The following INTS6L variants were observed in gnomAD, a reference collection of about 807,000 sequenced individuals.
The protein encoded by INTS6L is integrator complex subunit 6 like, also known as integrator complex subunit 6-like.
A neutral mutation model predicts 64.7 loss-of-function variants in INTS6L; 18 were observed. The observed-to-expected ratio is 0.28, with a 90% CI of 0.19 to 0.41. The LOEUF (loss-of-function observed/expected upper bound fraction) is 0.41, where lower values mean the gene tolerates loss of function less well. Ranked by LOEUF, INTS6L falls within the 10% of genes least tolerant of loss-of-function variation. INTS6L has a pLI of 1.00. For synonymous variants in INTS6L, 227 were observed against 235.9 expected (o/e 0.96, Z 0.34); for missense variants, 533 against 661.0 (o/e 0.81, Z 2.12).
At chrX:135,522,350 G>A (rs782623613) in intron 2 of INTS6L, among the ~76,000 whole-genome samples, 2 of 111,793 alleles carry the variant, frequency 1.8e-5, no homozygotes, top group East Asian at 5.6e-4. Context: ...AGTCAAGTTC[G>A]ATGATTTGAT....
chrX:135,570,619 T>C, intron 11 of INTS6L, 73 bp downstream of exon 11: 3 of 1,080,276 alleles, frequency 2.8e-6, no homozygotes, highest in Non-Finnish European at 1.2e-6. Context: ...TTTAGTGTAA[T>C]TGTAATTTTT....
Position 135,579,798 on chromosome X carries a change from C to G in INTS6L, c.2130C>G (p.Ile710Met), listed in dbSNP as rs1380385821. 2 of 1,182,545 alleles carry G rather than the reference C, an allele frequency of 1.7e-6. No homozygotes were observed. Among genetic ancestry groups the G allele is most frequent in the African/African-American group, 3.5e-5 (2 of 56,385 alleles). ...TCATTTGGTTTCCAGATGCTACTAT[C>G]ATTCACGATGGCCATGAGGAGAAGA... Reference protein sequence around the residue: ...KPTLVHTDATIIHDGHEEKME... With the variant: ...KPTLVHTDATMIHDGHEEKME... Residue 710 changes from isoleucine to methionine, a missense_variant, in exon 16 of 18, where the codon ATC becomes ATG. Physicochemically the swap from Ile to Met is conservative, Grantham distance 10 (BLOSUM62 1). Coordinates refer to ENST00000639893, the MANE Select transcript of INTS6L (RefSeq NM_001351601.3).
At chrX:135,540,106 C>T (rs1167873649) in intron 2 of INTS6L, among the ~76,000 whole-genome samples, 1 of 112,203 alleles carries the variant, frequency 8.9e-6, no homozygotes, top group Non-Finnish European at 1.9e-5. Flanking sequence ...AATGCAATAT[C>T]TGTGTGGTGC....
At chrX:135,560,838 C>A (rs781946772) in intron 9 of INTS6L, among the ~76,000 whole-genome samples, 82 of 109,527 alleles carry the variant, frequency 7.5e-4, no homozygotes, top group African/African-American at 2.6e-3. Flanking sequence ...TGCAAAACTC[C>A]ATCTCAAAAA....
chrX:135,577,492 T>C (rs2148677456), intron 15 of INTS6L, 65 bp downstream of exon 15: 1 of 1,063,940 alleles, frequency 9.4e-7, no homozygotes, highest in South Asian at 2.1e-5. Context: ...ACAATTTTAT[T>C]TCCCTTTTTG....
intron 2 of INTS6L, among the ~76,000 whole-genome samples, chrX:135,523,326 CGGGA>C (rs1387961123): frequency 1.1e-5 from 1 of 94,276 alleles, no homozygotes; most frequent in African/African-American, 3.9e-5. Context: ...TGCTTGAACC[CGGGA>C]GTCGGAGGTT....
intron 2 of INTS6L, among the ~76,000 whole-genome samples, chrX:135,529,851 GTTTA>G (rs782202534): frequency 1.8e-5 from 2 of 112,077 alleles, no homozygotes; most frequent in East Asian, 5.6e-4. Context: ...AATGTAAAAT[GTTTA>G]TTTAGTTTCT....
intron 2 of INTS6L, among the ~76,000 whole-genome samples, chrX:135,542,995 C>T (rs1282956648): frequency 2.7e-5 from 3 of 111,354 alleles, no homozygotes; most frequent in African/African-American, 9.8e-5. Flanking sequence ...ATCCTTAGGA[C>T]TCCTCCTCTG....
intron 9 of INTS6L, among the ~76,000 whole-genome samples, chrX:135,559,048 G>T (rs1169909027): frequency 2.7e-5 from 3 of 111,322 alleles, no homozygotes; most frequent in African/African-American, 9.8e-5. Flanking sequence ...CTCCTAAAGT[G>T]CTGGGATTGC....
chrX:135,571,277 A>G (rs534208704), intron 11 of INTS6L: 3 of 112,536 alleles, frequency 2.7e-5, no homozygotes, highest in African/African-American at 9.7e-5. Flanking sequence ...GAACTTTACT[A>G]TCATATGAAT....
intron 2 of INTS6L, among the ~76,000 whole-genome samples, chrX:135,526,609 C>G (rs2085745917): frequency 8.9e-6 from 1 of 111,947 alleles, no homozygotes; most frequent in Non-Finnish European, 1.9e-5. Context: ...ATAACAACTT[C>G]CTCTGTGATC....
intron 4 of INTS6L, 70 bp from the exon 5 acceptor site, chrX:135,546,632 A>G: frequency 9.1e-7 from 1 of 1,101,921 alleles, no homozygotes; most frequent in Non-Finnish European, 1.2e-6. Flanking sequence ...GAAAAAGTCA[A>G]CCCTTTAATT....
rs1556527039 is a variant in INTS6L at position 135,570,512 on chromosome X, G to C, written c.1364G>C (p.Ser455Thr). The C allele has an allele frequency of 2.6e-6, 3 of 1,154,287 alleles. No individual in the cohort carries two copies. The South Asian group carries it at 5.7e-5, about 22-fold the overall frequency. Residue 455 changes from serine to threonine, a missense_variant, in exon 11 of 18, where the codon AGT becomes ACT. Transcript: ENST00000639893. ...SDNLDCGLSY[S>T]VISYLKKLSQ... is the part of the protein sequence containing the mutation. ...AATTTAGATTGTGGACTTAGTTACA[G>C]TGTTATCTCTTACCTTAAAAAACTC... is the stretch of plus-strand genomic sequence containing the variant.
rs201525685 is a variant in INTS6L at position 135,569,330 on chromosome X, A to G, written c.1193-7A>G. 7 of 1,150,341 alleles carry G rather than the reference A, an allele frequency of 6.1e-6. No homozygotes were observed. In the East Asian group the frequency reaches 1.9e-4, roughly 31 times the overall value. 94.8% of individuals were successfully genotyped at this position (1,150,341 alleles called of 1,213,427 possible). Reference sequence around the variant, plus strand: ...GAATGATGTAATATTTTATTTTTCTATTACAGATGACTTGTTTAAAGTTCA... The same window carrying G: ...GAATGATGTAATATTTTATTTTTCTGTTACAGATGACTTGTTTAAAGTTCA... On this transcript the variant is annotated splice_polypyrimidine_tract_variant and splice_region_variant and intron_variant, in intron 9 of 17. Coordinates refer to ENST00000639893, the MANE Select transcript of INTS6L (RefSeq NM_001351601.3).
At chrX:135,577,502 G>A (rs1556531821) in intron 15 of INTS6L, 75 bp downstream of exon 15, 2 of 1,001,730 alleles carry the variant, frequency 2.0e-6, no homozygotes, top group Non-Finnish European at 2.8e-6. Context: ...TTCCCTTTTT[G>A]TGTTCCTTCC....
At position 135,521,297 on chromosome X, in the gene INTS6L, C is replaced by A. The variant is rs1556496626; in HGVS notation, c.168C>A (p.Asp56Glu). Residue 56 changes from aspartate to glutamate, a missense_variant, in exon 2 of 18, where the codon GAC becomes GAA. Asp to Glu is a conservative substitution (Grantham distance 45). Coordinates refer to ENST00000639893, the MANE Select transcript of INTS6L (RefSeq NM_001351601.3). ...RGDRYMLVTY[D>E]EPPYCIKAGW... ...ACAGGTACATGCTGGTCACCTACGA[C>A]GAACCCCCGTACTGCATCAAGGTAA... is the stretch of plus-strand genomic sequence containing the variant. The A allele has an allele frequency of 8.3e-7, 1 of 1,205,912 alleles. No homozygotes were observed. The highest frequency in any genetic ancestry group is 2.2e-5 in the Admixed American group (1 of 45,331).
intron 2 of INTS6L, among the ~76,000 whole-genome samples, chrX:135,541,914 CT>C (rs1172743206): frequency 8.9e-6 from 1 of 112,090 alleles, no homozygotes; most frequent in Non-Finnish European, 1.9e-5. Flanking sequence ...TTATAATTAT[CT>C]TTTTGGTAGA....
chrX:135,521,161 T>C (rs914504598), intron 1 of INTS6L, 58 bp downstream of exon 1: 22 of 1,175,657 alleles, frequency 1.9e-5, no homozygotes, highest in South Asian at 5.4e-5. Context: ...AGGGTGTGGA[T>C]TGAGGTGCTT....
intron 17 of INTS6L, 106 bp from the exon 18 acceptor site, chrX:135,581,422 T>C (rs782212834): frequency 1.7e-6 from 1 of 601,487 alleles, no homozygotes; most frequent in Non-Finnish European, 2.6e-6. Flanking sequence ...ACAATCTTTA[T>C]ATTCCTATGT....
Sources: gnomAD v4.1 joint callset for allele counts (sites outside exome capture counted in the v4.1 genomes callset) on GRCh38, gnomAD v4.1.1 for gene constraint, MANE v1.5 for transcripts, NCBI Gene and HGNC (gene_info 2026-07-23, HGNC 2026-07-21) for gene names.